Variants in BCL2L11 observed in about 807,000 individuals in gnomAD.
The protein encoded by BCL2L11 is BCL2 like 11.
BCL2L11 carries 15 observed loss-of-function variants against 20.6 expected under a neutral mutation model. The observed-to-expected ratio is 0.73, with a 90% CI of 0.49 to 1.12. The LOEUF (loss-of-function observed/expected upper bound fraction) is 1.12. BCL2L11 is among the 50% of genes most tolerant of loss of function. The probability of loss-of-function intolerance (pLI) is 0.00; values close to 1 mark genes in which losing one functional copy is unlikely to be tolerated. For missense variants in BCL2L11, 292 were observed against 260.9 expected (o/e 1.12, Z -0.82); for synonymous variants, 108 against 92.8 (o/e 1.16, Z -0.94).
chr2:111,127,298 A>G (rs2072854217), intron 2 of BCL2L11, among the ~76,000 whole-genome samples: 1 of 152,154 alleles, frequency 6.6e-6, no homozygotes, highest in African/African-American at 2.4e-5. Context: ...ACAATTGGAA[A>G]TAAGAGTTGA....
At chr2:111,155,666 C>G (rs1206719315) in intron 3 of BCL2L11, among the ~76,000 whole-genome samples, 1 of 152,190 alleles carries the variant, frequency 6.6e-6, no homozygotes, top group Non-Finnish European at 1.5e-5. Context: ...ACTCCATGTG[C>G]AGGAACACTG....
At chr2:111,137,527 TG>T (rs2075110604) in intron 2 of BCL2L11, among the ~76,000 whole-genome samples, 1 of 152,190 alleles carries the variant, frequency 6.6e-6, no homozygotes, top group Non-Finnish European at 1.5e-5. Context: ...CACCTGTCCT[TG>T]GAGACCTCAC....
chr2:111,131,592 T>C (rs927932515), intron 2 of BCL2L11: 1 of 152,224 alleles, frequency 6.6e-6, no homozygotes, highest in Admixed American at 6.5e-5. Context: ...ATTTATTGTT[T>C]ATTATTTCCT....
At chr2:111,153,284 CAGG>C (rs1353029362) in intron 3 of BCL2L11, among the ~76,000 whole-genome samples, 1 of 152,028 alleles carries the variant, frequency 6.6e-6, no homozygotes, top group Non-Finnish European at 1.5e-5. Context: ...GAGGCTGAGG[CAGG>C]AGAATTGCTT....
intron 3 of BCL2L11, chr2:111,151,704 C>T (rs2077279581): frequency 6.0e-6 from 5 of 830,968 alleles, no homozygotes; most frequent in Admixed American, 2.1e-5. Context: ...AAACACACAT[C>T]GGATCTTCCT....
intron 2 of BCL2L11, among the ~76,000 whole-genome samples, chr2:111,134,784 A>G (rs983307423): frequency 7.2e-5 from 11 of 152,216 alleles, no homozygotes; most frequent in African/African-American, 2.7e-4. Context: ...TTCACGGAAG[A>G]TAGAATTCGC....
rs146216476 is a variant in BCL2L11 at position 111,161,052 on chromosome 2, C to T, written c.499-3081C>T. On this transcript the variant is annotated intron_variant, in intron 3 of 3. Transcript: ENST00000393256. Reference sequence around the variant, plus strand: ...GATGCTGTCATCCCCTGTGTCTTCACGTGGTCTCCCTCCGTGGGTTTCTGT... The same window carrying T: ...GATGCTGTCATCCCCTGTGTCTTCATGTGGTCTCCCTCCGTGGGTTTCTGT... Among the ~76,000 whole-genome samples, 35 of 152,272 alleles carry T rather than the reference C, an allele frequency of 2.3e-4. 1 individual carries two copies. The East Asian group carries it at 5.2e-3, about 23-fold the overall frequency.
intron 3 of BCL2L11, among the ~76,000 whole-genome samples, chr2:111,158,368 G>A (rs951868478): frequency 1.3e-5 from 2 of 152,096 alleles, no homozygotes; most frequent in African/African-American, 4.8e-5. Context: ...GACAGCCCCT[G>A]GGTATTCTCA....
At position 111,164,266 on chromosome 2, in the gene BCL2L11, A is replaced by C; in HGVS notation, c.*35A>C. On this transcript the variant is annotated 3_prime_UTR_variant, in exon 4 of 4. Coordinates refer to ENST00000393256, the MANE Select transcript of BCL2L11 (RefSeq NM_138621.5). ...TGCGGAGCCGAGATACCATGCAGAC[A>C]TTTTGCTTGTTCAAACCAACAAGAC... 6.7e-7 allele frequency: 1 copy of C among 1,503,594 alleles called. No individual in the cohort carries two copies. 93.1% of individuals were successfully genotyped at this position (1,503,594 alleles called of 1,614,324 possible). A position where few individuals can be genotyped will look rare whatever the true frequency, so the allele number is the denominator to read the frequency against.
intron 3 of BCL2L11, among the ~76,000 whole-genome samples, chr2:111,152,878 T>G (rs1344788698): frequency 6.6e-6 from 1 of 152,252 alleles, no homozygotes; most frequent in African/African-American, 2.4e-5. Context: ...TAAATTTGTC[T>G]GATTGCAGTA....
intron 2 of BCL2L11, among the ~76,000 whole-genome samples, chr2:111,144,785 G>A (rs920012794): frequency 1.3e-5 from 2 of 152,176 alleles, no homozygotes; most frequent in Admixed American, 6.5e-5. Flanking sequence ...AGTCCACAAA[G>A]AAATGGCCCT....
intron 2 of BCL2L11, among the ~76,000 whole-genome samples, chr2:111,142,728 T>A (rs1010845414): frequency 6.6e-6 from 1 of 152,250 alleles, no homozygotes; most frequent in Admixed American, 6.5e-5. Context: ...GAAAAGATGT[T>A]AATCACCAGT....
At chr2:111,163,396 C>T in intron 3 of BCL2L11, 1 of 152,264 alleles carries the variant, frequency 6.6e-6, no homozygotes, top group Non-Finnish European at 1.5e-5. Flanking sequence ...TGCACATACT[C>T]ACAAAATGGA....
At position 111,147,390 on chromosome 2, in the gene BCL2L11, A is replaced by ACACACACACACACC. The variant is rs1039299406; in HGVS notation, c.395-2653_395-2652insACACACACACACCC. Among the ~76,000 whole-genome samples, 42 of 138,354 alleles carry ACACACACACACACC rather than the reference A, an allele frequency of 3.0e-4. 1 individual carries two copies. In the East Asian group the frequency reaches 5.8e-3, roughly 19 times the overall value. 90.8% of individuals were successfully genotyped at this position (138,354 alleles called of 152,430 possible). A position where few individuals can be genotyped will look rare whatever the true frequency, so the allele number is the denominator to read the frequency against. ...CACACACACACACACACACACACACACCCGCCATTTCTCCCTGCCAGAGCT... is the reference window on the plus strand; with the variant it reads ...CACACACACACACACACACACACACACACACACACACACCCCCGCCATTTCTCCCTGCCAGAGCT... On this transcript the variant is annotated intron_variant, in intron 2 of 3. Transcript: ENST00000393256.
intron 1 of BCL2L11, among the ~76,000 whole-genome samples, chr2:111,122,125 T>A (rs1193293031): frequency 1.3e-5 from 2 of 152,176 alleles, no homozygotes; most frequent in Non-Finnish European, 2.9e-5. Flanking sequence ...CTTTGACTCG[T>A]GTCTGCGGCG....
intron 3 of BCL2L11, chr2:111,151,887 T>C (rs1166589064): frequency 1.6e-5 from 24 of 1,547,856 alleles, no homozygotes; most frequent in Middle Eastern, 1.7e-4. Context: ...AGCCTAGATC[T>C]GAAATGGTAA....
intron 2 of BCL2L11, among the ~76,000 whole-genome samples, chr2:111,139,426 C>T (rs574276391): frequency 2.3e-4 from 35 of 152,340 alleles, no homozygotes; most frequent in South Asian, 4.1e-4. Flanking sequence ...AACTTACGTA[C>T]TTTTTCCCAA....
Position 111,145,920 on chromosome 2 carries a change from C to CTT in BCL2L11, c.395-4105_395-4104dup, listed in dbSNP as rs58738963. The CTT allele has an allele frequency of 3.6e-3, 2,613 of 732,498 alleles. 31 individuals carry two copies. The highest frequency in any genetic ancestry group is 0.032 in the African/African-American group (1,542 of 47,514). 45.4% of individuals were successfully genotyped at this position (732,498 alleles called of 1,614,324 possible). The stretch of plus-strand genomic sequence containing the variant: ...TATAAAAGTTTTGATTAGTGGCTTT[C>CTT]TTTTTTTTTTTTTTTTTTTTGTAAC... On this transcript the variant is annotated intron_variant, in intron 2 of 3. Transcript: ENST00000393256.
chr2:111,155,998 A>G (rs1245450154), intron 3 of BCL2L11, among the ~76,000 whole-genome samples: 1 of 152,224 alleles, frequency 6.6e-6, no homozygotes, highest in Non-Finnish European at 1.5e-5. Flanking sequence ...CTCTGTATGA[A>G]TTTGAAATAC....
Sources: allele counts gnomAD v4.1 joint callset (sites outside exome capture counted in the v4.1 genomes callset), GRCh38; gene constraint gnomAD v4.1.1; transcripts MANE v1.5; gene names NCBI Gene and HGNC (gene_info 2026-07-23, HGNC 2026-07-21).